USH2A: variants seen among roughly 807,000 people sequenced by gnomAD.
USH2A encodes the protein usherin.
USH2A carries 443 observed loss-of-function variants against 538.9 expected under a neutral mutation model. The observed-to-expected ratio is 0.82, with a 90% CI of 0.76 to 0.89. USH2A has a LOEUF of 0.89. Ranked by LOEUF, USH2A falls within the 40% of genes least tolerant of loss-of-function variation. The probability of loss-of-function intolerance (pLI) is 0.00; values close to 1 mark genes in which losing one functional copy is unlikely to be tolerated. For missense variants in USH2A, 6,633 were observed against 6,324.8 expected (o/e 1.05, Z -1.65); for synonymous variants, 2,413 against 2,273.5 (o/e 1.06, Z -1.75).
chr1:216,212,014 C>T (rs2035251911), intron 15 of USH2A, among the ~76,000 whole-genome samples: 1 of 152,096 alleles, frequency 6.6e-6, no homozygotes, highest in Non-Finnish European at 1.5e-5. Flanking sequence ...ATCAGGAACA[C>T]AACAGATTTC....
chr1:216,266,844 CTA>C (rs1361778880), intron 11 of USH2A, among the ~76,000 whole-genome samples: 3 of 151,654 alleles, frequency 2.0e-5, no homozygotes, highest in African/African-American at 4.8e-5. Flanking sequence ...GAATGAAAGA[CTA>C]TGGATATTTT....
intron 13 of USH2A, among the ~76,000 whole-genome samples, chr1:216,239,194 T>C (rs973392988): frequency 6.6e-6 from 1 of 152,082 alleles, no homozygotes; most frequent in Non-Finnish European, 1.5e-5. Context: ...AAAGCACACA[T>C]TGCTCTTTTC....
In USH2A at chr1:215,640,565, C is replaced by T. The variant is rs568581229; in HGVS notation, c.14961G>A (p.Ala4987=). The change falls in exon 68 of 72, where the codon GCG becomes GCA. Residue 4987 remains alanine (A), a synonymous_variant. Coordinates refer to ENST00000307340, the MANE Select transcript of USH2A (RefSeq NM_206933.4). ...LDTTLYIPRT[A]DKTFFFQVIC... ...CAGGAGTCAGAAACTAACTTTTGTC[C>T]GCCGTTCTCGGTATGTAGAGGGTGG... The T allele has an allele frequency of 4.3e-5, 69 of 1,613,652 alleles. No homozygotes were observed. In the South Asian group the frequency reaches 5.9e-4, roughly 14 times the overall value.
In USH2A at chr1:215,888,862, T is replaced by C. The variant is rs371685066; in HGVS notation, c.7787A>G (p.Tyr2596Cys). 73 of 1,614,152 alleles carry C rather than the reference T, an allele frequency of 4.5e-5. 1 individual carries two copies. The highest frequency in any genetic ancestry group is 1.8e-4 in the East Asian group (8 of 44,880). ...AGTGCAGGCTTCTACCTGAAACTTA[T>C]AGGCAGTGTATGGGTGTAAATGCAT... ...TVMHLHPYTA[Y>C]KFQVEACTSK... The change falls in exon 41 of 72, where the codon TAT becomes TGT. Residue 2596 changes from tyrosine to cysteine, a missense_variant. By Grantham distance (194) the Tyr-to-Cys change is radical. Transcript: ENST00000307340.
intron 3 of USH2A, among the ~76,000 whole-genome samples, chr1:216,384,330 C>T (rs1168416756): frequency 1.3e-5 from 2 of 151,822 alleles, no homozygotes; most frequent in African/African-American, 2.4e-5. Flanking sequence ...GCAAAAAATA[C>T]ATGTGGCTGG....
chr1:215,817,612 C>T (rs1407531440), intron 47 of USH2A, among the ~76,000 whole-genome samples: 8 of 151,930 alleles, frequency 5.3e-5, no homozygotes, highest in Non-Finnish European at 1.0e-4. Context: ...AGAGATGCCA[C>T]GGGAACACCA....
chr1:216,078,424 A>G (rs1032893055), intron 26 of USH2A, 62 bp from the exon 27 acceptor site: 9 of 1,507,710 alleles, frequency 6.0e-6, no homozygotes, highest in Non-Finnish European at 8.2e-6. Context: ...GCAGTTTGGG[A>G]GAGAGCAGAA....
At chr1:215,821,797 G>C (rs1663024420) in intron 47 of USH2A, among the ~76,000 whole-genome samples, 1 of 151,814 alleles carries the variant, frequency 6.6e-6, no homozygotes, top group Admixed American at 6.6e-5. Flanking sequence ...TGCGGTAAGA[G>C]ATAGGGGTCT....
Position 215,947,022 on chromosome 1 carries a change from G to A in USH2A, c.7121-12227C>T, listed in dbSNP as rs1008837935. ...AAAATAATGATATTTTAGATAGATT[G>A]TATTAAATAAGGTATATTACTTTTT... is the stretch of plus-strand genomic sequence containing the variant. On this transcript the variant is annotated intron_variant, in intron 37 of 71. Transcript: ENST00000307340. Among the ~76,000 whole-genome samples, 3 of 149,586 alleles carry A rather than the reference G, an allele frequency of 2.0e-5. No homozygotes were observed. The East Asian group carries it at 6.0e-4, about 30-fold the overall frequency.
intron 21 of USH2A, among the ~76,000 whole-genome samples, chr1:216,118,930 T>A (rs12759474): frequency 0.35 from 53,634 of 152,140 alleles, 10,402 homozygotes; most frequent in East Asian, 0.73. Context: ...AATGTCTCAT[T>A]TCTGAACTAG....
chr1:215,694,356 G>A (rs542953635), intron 61 of USH2A, among the ~76,000 whole-genome samples: 224 of 152,270 alleles, frequency 1.5e-3, no homozygotes, highest in African/African-American at 5.1e-3. Context: ...GGTAGATCAG[G>A]AGGTCAGGAG....
rs1558311789 is a variant in USH2A at position 216,198,360 on chromosome 1, C to T, written c.4036G>A (p.Gly1346Arg). 6.2e-7 allele frequency: 1 copy of T among 1,613,984 alleles called. No homozygotes were observed. Among genetic ancestry groups the T allele is most frequent in the Non-Finnish European group, 8.5e-7 (1 of 1,179,946 alleles). The change falls in exon 18 of 72, where the codon GGA becomes AGA. Residue 1346 changes from glycine to arginine, a missense_variant. By Grantham distance (125) the Gly-to-Arg change is moderately radical (BLOSUM62 -2). Transcript: ENST00000307340. Reference protein sequence around the residue: ...EFRVLAVNMAGSVSSAWVSER... With the variant: ...EFRVLAVNMARSVSSAWVSER... Reference sequence around the variant, plus strand: ...GAGACCCAGGCAGAAGACACACTTCCAGCCATATTCACAGCTAAGACTCTG... The same window carrying T: ...GAGACCCAGGCAGAAGACACACTTCTAGCCATATTCACAGCTAAGACTCTG...
intron 61 of USH2A, among the ~76,000 whole-genome samples, chr1:215,681,782 C>T (rs1658239584): frequency 6.6e-6 from 1 of 152,132 alleles, no homozygotes; most frequent in South Asian, 2.1e-4. Context: ...TAAACATAGG[C>T]AGAGAAAATA....
chr1:216,148,255 C>A (rs1572000213), intron 21 of USH2A, among the ~76,000 whole-genome samples: 1 of 151,726 alleles, frequency 6.6e-6, no homozygotes, highest in African/African-American at 2.4e-5. Context: ...TTAGACAATA[C>A]TCTTTTAAGC....
intron 57 of USH2A, 55 bp from the exon 58 acceptor site, chr1:215,758,807 CAAT>C (rs1660890759): frequency 7.6e-6 from 12 of 1,570,542 alleles, no homozygotes; most frequent in Non-Finnish European, 7.9e-6. Flanking sequence ...GAGACTTGAA[CAAT>C]GATTACTAGT....
intron 21 of USH2A, among the ~76,000 whole-genome samples, chr1:216,162,738 A>G (rs146036776): frequency 6.6e-6 from 1 of 152,124 alleles, no homozygotes; most frequent in East Asian, 1.9e-4. Flanking sequence ...GAAAGCTCAG[A>G]GTATTCACCA....
At chr1:216,154,740 G>A (rs528861521) in intron 21 of USH2A, among the ~76,000 whole-genome samples, 44 of 152,176 alleles carry the variant, frequency 2.9e-4, no homozygotes, top group Admixed American at 2.5e-3. Flanking sequence ...GTGGAATTAC[G>A]ATTAAGTGTT....
intron 43 of USH2A, among the ~76,000 whole-genome samples, chr1:215,873,348 T>G (rs1032170652): frequency 6.6e-6 from 1 of 152,184 alleles, no homozygotes; most frequent in Non-Finnish European, 1.5e-5. Flanking sequence ...AGCTTTCCTT[T>G]CACTTGCCCT....
chr1:216,215,402 CA>C (rs1167985637), intron 15 of USH2A, among the ~76,000 whole-genome samples: 1 of 151,988 alleles, frequency 6.6e-6, no homozygotes, highest in Non-Finnish European at 1.5e-5. Flanking sequence ...TTTGTGAAGC[CA>C]ATTGTTCTGG....
Sources: allele counts gnomAD v4.1 joint callset (sites outside exome capture counted in the v4.1 genomes callset), GRCh38; gene constraint gnomAD v4.1.1; transcripts MANE v1.5; gene names NCBI Gene and HGNC (gene_info 2026-07-23, HGNC 2026-07-21).